PDK3: variants seen among roughly 807,000 people sequenced by gnomAD.
The protein encoded by PDK3 is pyruvate dehydrogenase kinase 3, also known as pyruvate dehydrogenase kinase, isozyme 3.
A neutral mutation model predicts 32.0 loss-of-function variants in PDK3; 12 were observed. That is an observed-to-expected ratio of 0.37 (90% CI 0.24 to 0.61). The LOEUF is 0.61. Ranked by LOEUF, PDK3 falls within the 20% of genes least tolerant of loss-of-function variation. PDK3 has a pLI of 0.65. For synonymous variants in PDK3, 122 were observed against 116.3 expected (o/e 1.05, Z -0.31); for missense variants, 188 against 316.9 (o/e 0.59, Z 3.09).
At chrX:24,542,377 A>G (rs1247194574) in exon 12 of PDK3, among the ~76,000 whole-genome samples, 1 of 112,663 alleles carries the variant, frequency 8.9e-6, no homozygotes, top group East Asian at 2.8e-4. Context: ...GAGCTGGACT[A>G]CACAGGTATA....
intron 1 of PDK3, among the ~76,000 whole-genome samples, chrX:24,487,943 G>A (rs1315039693): frequency 2.0e-5 from 2 of 102,486 alleles, no homozygotes; most frequent in Non-Finnish European, 3.9e-5. Flanking sequence ...GGCGGAGGTG[G>A]CAGTGAGCCA....
intron 5 of PDK3, among the ~76,000 whole-genome samples, chrX:24,505,537 G>T (rs777359413): frequency 4.5e-5 from 5 of 112,096 alleles, no homozygotes; most frequent in Non-Finnish European, 9.4e-5. Flanking sequence ...TTATTGATTA[G>T]AGTTTCATTT....
At position 24,496,568 on chromosome X, in the gene PDK3, CTTT is replaced by C. The variant is rs763095558; in HGVS notation, c.248+1706_248+1708del. Among the ~76,000 whole-genome samples the C allele has an allele frequency of 1.8e-4, 7 of 39,326 alleles. No individual in the cohort carries two copies. The South Asian group carries it at 5.9e-3, about 33-fold the overall frequency. 34.1% of individuals were successfully genotyped at this position (39,326 alleles called of 115,157 possible). On this transcript the variant is annotated intron_variant, in intron 2 of 10. Coordinates refer to ENST00000379162, the MANE Select transcript of PDK3 (RefSeq NM_005391.5). ...CTAATTGTCCTGATACTACCCCCATCTTTTTTTTTTTTTTTTTTTTTTTGCAGT... is the reference window on the plus strand; with the variant it reads ...CTAATTGTCCTGATACTACCCCCATCTTTTTTTTTTTTTTTTTTTTGCAGT...
chrX:24,527,772 G>C (rs1186010647), intron 8 of PDK3, 97 bp downstream of exon 8: 11 of 539,735 alleles, frequency 2.0e-5, no homozygotes, highest in South Asian at 2.0e-4. Context: ...GACATTTATT[G>C]AGTGTCCTGT....
intron 1 of PDK3, 68 bp downstream of exon 1, chrX:24,465,629 C>A (rs1239975416): frequency 3.7e-6 from 3 of 805,231 alleles, no homozygotes; most frequent in Non-Finnish European, 5.5e-6. Context: ...CCCCGGATCT[C>A]CGCAGCTTCG....
intron 6 of PDK3, among the ~76,000 whole-genome samples, chrX:24,525,750 C>G (rs1473146729): frequency 8.9e-6 from 1 of 112,295 alleles, no homozygotes. Flanking sequence ...CATAATTTAA[C>G]AAAACTGAAC....
chrX:24,528,257 C>A, intron 9 of PDK3, 71 bp downstream of exon 9: 2 of 559,570 alleles, frequency 3.6e-6, no homozygotes, highest in Admixed American at 2.7e-5. Context: ...AGCTGCCTCT[C>A]TCCCCAGGTT....
intron 10 of PDK3, among the ~76,000 whole-genome samples, chrX:24,533,605 C>T (rs1478415425): frequency 8.9e-6 from 1 of 111,786 alleles, no homozygotes; most frequent in Admixed American, 9.5e-5. Context: ...TGTATCTCTT[C>T]CTGGGCCCTT....
In PDK3 at chrX:24,503,433, A is replaced by G. The variant is rs1057438680; in HGVS notation, c.427A>G (p.Ile143Val). ...GGAGAAGTTTGGGTTTGATCCTTTC[A>G]TTAGCACTAACATCCAATATTTTCT... Reference protein sequence around the residue: ...YKEKFGFDPFISTNIQYFLDR... With the variant: ...YKEKFGFDPFVSTNIQYFLDR... Residue 143 changes from isoleucine to valine, a missense_variant, in exon 4 of 11, where the codon ATT (isoleucine) becomes GTT (valine). Transcript: ENST00000379162. 2 of 1,206,118 alleles carry G rather than the reference A, an allele frequency of 1.7e-6. No homozygotes were observed. Among genetic ancestry groups the G allele is most frequent in the Admixed American group, 4.4e-5 (2 of 45,813 alleles).
chrX:24,485,522 G>A (rs12559838), intron 1 of PDK3, among the ~76,000 whole-genome samples: 22,454 of 110,200 alleles, frequency 0.2, 2,222 homozygotes, highest in Non-Finnish European at 0.31. Flanking sequence ...CCTCAGCAAC[G>A]CAGCAGACCA....
intron 1 of PDK3, among the ~76,000 whole-genome samples, chrX:24,484,290 TGA>T (rs1359670976): frequency 1.8e-5 from 2 of 112,641 alleles, no homozygotes; most frequent in African/African-American, 6.5e-5. Flanking sequence ...ATTACAGGTG[TGA>T]GCCACCATGC....
At chrX:24,550,381 T>C (rs1478136974) in exon 12 of PDK3, 1 of 112,178 alleles carries the variant, frequency 8.9e-6, no homozygotes, top group Non-Finnish European at 1.9e-5. Flanking sequence ...CAATCTGTGG[T>C]GTCTGTCATA....
chrX:24,519,986 A>G (rs892726912), intron 6 of PDK3, among the ~76,000 whole-genome samples: 1 of 112,052 alleles, frequency 8.9e-6, no homozygotes, highest in Non-Finnish European at 1.9e-5. Flanking sequence ...TGAGTCCAGG[A>G]GTTTAAGACC....
intron 1 of PDK3, among the ~76,000 whole-genome samples, chrX:24,493,469 C>T (rs989040656): frequency 9.0e-6 from 1 of 111,331 alleles, no homozygotes; most frequent in Non-Finnish European, 1.9e-5. Flanking sequence ...GCCTTCATGA[C>T]GTACAGAAGA....
intron 3 of PDK3, among the ~76,000 whole-genome samples, chrX:24,500,469 G>A (rs1921827838): frequency 8.9e-6 from 1 of 111,868 alleles, no homozygotes; most frequent in African/African-American, 3.2e-5. Flanking sequence ...TGTTTTTCCC[G>A]GAGTCCCGTC....
intron 5 of PDK3, among the ~76,000 whole-genome samples, chrX:24,507,853 C>T (rs1922021601): frequency 9.0e-6 from 1 of 111,231 alleles, no homozygotes; most frequent in African/African-American, 3.3e-5. Context: ...AAAATATTTA[C>T]ACATGATATG....
At chrX:24,492,979 G>C (rs191715590) in intron 1 of PDK3, among the ~76,000 whole-genome samples, 170 of 105,670 alleles carry the variant, frequency 1.6e-3, no homozygotes, top group African/African-American at 5.5e-3. Context: ...CAGCCTGGGC[G>C]ACAGAGCAAC....
At chrX:24,548,925 C>A (rs1031111871) in exon 12 of PDK3, 1 of 111,579 alleles carries the variant, frequency 9.0e-6, no homozygotes, top group Non-Finnish European at 1.9e-5. Context: ...TTGTTTCTAT[C>A]GTGGCACCGC....
In PDK3 at chrX:24,497,409, C is replaced by T. The variant is rs1029472497; in HGVS notation, c.249-1420C>T. ...AAGCGATTCTCCTGCCTCAGCCTCC[C>T]GAGTAGCTAGGACTACAGGCATGTG... On this transcript the variant is annotated intron_variant, in intron 2 of 10. Transcript: ENST00000379162. Among the ~76,000 whole-genome samples the T allele has an allele frequency of 1.4e-4, 16 of 111,994 alleles. No individual in the cohort carries two copies. The South Asian group carries it at 2.2e-3, about 16-fold the overall frequency.
Sources: allele counts gnomAD v4.1 joint callset (sites outside exome capture counted in the v4.1 genomes callset), GRCh38; gene constraint gnomAD v4.1.1; transcripts MANE v1.5; gene names NCBI Gene and HGNC (gene_info 2026-07-23, HGNC 2026-07-21).